The following PIK3R3 variants were observed in gnomAD, a reference collection of about 807,000 sequenced individuals.
PIK3R3 encodes phosphoinositide-3-kinase regulatory subunit 3.
A neutral mutation model predicts 62.9 loss-of-function variants in PIK3R3; 64 were observed. That is an observed-to-expected ratio of 1.02 (90% CI 0.83 to 1.25). The LOEUF (loss-of-function observed/expected upper bound fraction) is 1.25, where lower values mean the gene tolerates loss of function less well. PIK3R3 is among the 50% of genes most tolerant of loss of function. PIK3R3 has a pLI of 0.00. For missense variants in PIK3R3, 614 were observed against 561.6 expected (o/e 1.09, Z -0.94); for synonymous variants, 165 against 189.0 (o/e 0.87, Z 1.04).
rs1648742177 is a variant in PIK3R3, at chr1:46,063,826, T to C, written c.622-1755A>G. ...CTCTCCCAGTCTAATGGTTCCTTCT[T>C]AGCAGCATATAAACAAGCTCTGGTA... On this transcript the variant is annotated intron_variant, in intron 5 of 9. Transcript: ENST00000262741. Among the ~76,000 whole-genome samples the C allele has an allele frequency of 2.0e-5, 3 of 152,162 alleles. No individual in the cohort carries two copies. The South Asian group carries it at 6.2e-4, about 32-fold the overall frequency.
chr1:46,060,963 T>A (rs1344413979), intron 6 of PIK3R3, among the ~76,000 whole-genome samples: 6 of 152,214 alleles, frequency 3.9e-5, no homozygotes, highest in African/African-American at 1.4e-4. Context: ...TTGATAGGAT[T>A]TCAATATCCT....
rs553161479 is a variant in PIK3R3 at position 46,060,485 on chromosome 1, C to CAAAT, written c.764+1440_764+1443dup. 4.6e-4 allele frequency among the ~76,000 whole-genome samples: 70 copies of CAAAT among 152,198 alleles called. No homozygotes were observed. In the South Asian group the frequency reaches 1.0e-2, roughly 22 times the overall value. On this transcript the variant is annotated intron_variant, in intron 6 of 9. Coordinates refer to ENST00000262741, the MANE Select transcript of PIK3R3 (RefSeq NM_003629.4). Reference sequence around the variant, plus strand: ...AGCCTGGGCAACAGAGACTCCGTCTCAAATAAATAAATAAATAAATAATTA... The same window carrying CAAAT: ...AGCCTGGGCAACAGAGACTCCGTCTCAAATAAATAAATAAATAAATAAATAATTA...
chr1:46,096,698 A>G (rs560959250), intron 1 of PIK3R3, among the ~76,000 whole-genome samples: 2 of 152,252 alleles, frequency 1.3e-5, no homozygotes, highest in African/African-American at 2.4e-5. Flanking sequence ...ACAGTTAGAG[A>G]GCAGCCTGGC....
At chr1:46,116,586 C>T (rs1459946942) in intron 1 of PIK3R3, among the ~76,000 whole-genome samples, 2 of 150,340 alleles carry the variant, frequency 1.3e-5, no homozygotes, top group Non-Finnish European at 3.0e-5. Flanking sequence ...TGCTTGAACC[C>T]GGGAGGCAGA....
At chr1:46,164,219 T>A in the PIK3R3 span, among the ~76,000 whole-genome samples, 3 of 152,288 alleles carry the variant, frequency 2.0e-5, no homozygotes, top group South Asian at 6.2e-4. Flanking sequence ...TATGTTATTC[T>A]TCCTGCTCCC....
chr1:46,067,349 G>C (rs921205869), intron 3 of PIK3R3, among the ~76,000 whole-genome samples: 3 of 149,862 alleles, frequency 2.0e-5, no homozygotes, highest in Admixed American at 6.7e-5. Flanking sequence ...ACAGCATTCA[G>C]TATGAACAAA....
At chr1:46,062,566 CTT>C in intron 5 of PIK3R3, among the ~76,000 whole-genome samples, 1 of 130,044 alleles carries the variant, frequency 7.7e-6, no homozygotes, top group East Asian at 2.2e-4. Context: ...CAGGGCAAGA[CTT>C]TGTCTCAAAA....
chr1:46,096,840 T>TAA (rs201258613), intron 1 of PIK3R3, among the ~76,000 whole-genome samples: 27 of 126,984 alleles, frequency 2.1e-4, no homozygotes, highest in South Asian at 7.7e-4. Flanking sequence ...GACTCTGTCT[T>TAA]AAAAAAAAAA....
At chr1:46,147,445 G>C in the PIK3R3 span, among the ~76,000 whole-genome samples, 1 of 151,302 alleles carries the variant, frequency 6.6e-6, no homozygotes, top group East Asian at 2.0e-4. Flanking sequence ...TTGAGACGGA[G>C]TCTCGCTCTG....
At chr1:46,173,489 G>A in the PIK3R3 span, among the ~76,000 whole-genome samples, 1 of 152,176 alleles carries the variant, frequency 6.6e-6, no homozygotes, top group Admixed American at 6.5e-5. Context: ...CACCTTAAGG[G>A]GTGGAGACCA....
At chr1:46,118,124 A>G (rs1371519492) in intron 1 of PIK3R3, among the ~76,000 whole-genome samples, 1 of 152,198 alleles carries the variant, frequency 6.6e-6, no homozygotes, top group Non-Finnish European at 1.5e-5. Flanking sequence ...ATATATATAA[A>G]TAGCTTTGGC....
rs1244679158 is a variant in PIK3R3 at position 46,055,660 on chromosome 1, T to C, written c.941+135A>G. On this transcript the variant is annotated intron_variant, in intron 7 of 9. Transcript: ENST00000262741. ...CCCCCTACAACTACCAAGGACACTT[T>C]CCTAAATTCTTACCATCTTACTGGC... 4 of 645,570 alleles carry C rather than the reference T, an allele frequency of 6.2e-6. No individual in the cohort carries two copies. The East Asian group carries it at 1.1e-4, about 18-fold the overall frequency. The allele number at this position is 645,570 out of a possible 1,614,324, so 40.0% of individuals were successfully genotyped here.
At chr1:46,096,582 G>T (rs1284627072) in intron 1 of PIK3R3, among the ~76,000 whole-genome samples, 1 of 152,192 alleles carries the variant, frequency 6.6e-6, no homozygotes, top group Non-Finnish European at 1.5e-5. Flanking sequence ...CAAAAGAACA[G>T]CATTAATATA....
intron 1 of PIK3R3, among the ~76,000 whole-genome samples, chr1:46,116,197 G>A (rs189881497): frequency 2.2e-3 from 329 of 152,142 alleles, no homozygotes; most frequent in South Asian, 6.7e-3. Context: ...GAGCCACAAA[G>A]CATCCCAGTT....
chr1:46,123,025 G>T (rs953280652), intron 1 of PIK3R3, among the ~76,000 whole-genome samples: 1 of 151,910 alleles, frequency 6.6e-6, no homozygotes, highest in Admixed American at 6.6e-5. Flanking sequence ...AGTTTAGGCT[G>T]CAGTGAGCCA....
At chr1:46,098,945 T>G (rs1289229736) in intron 1 of PIK3R3, among the ~76,000 whole-genome samples, 2 of 152,100 alleles carry the variant, frequency 1.3e-5, no homozygotes, top group African/African-American at 4.8e-5. Context: ...CAATTGATCC[T>G]CCCACCTCAG....
At chr1:46,108,158 T>C (rs1653389487) in intron 1 of PIK3R3, among the ~76,000 whole-genome samples, 1 of 152,258 alleles carries the variant, frequency 6.6e-6, no homozygotes. Context: ...ACAGCACTTT[T>C]ATTACCTTAA....
chr1:46,115,225 C>T (rs1654084814), intron 1 of PIK3R3, among the ~76,000 whole-genome samples: 1 of 152,222 alleles, frequency 6.6e-6, no homozygotes, highest in African/African-American at 2.4e-5. Flanking sequence ...CTGTACCCTT[C>T]ATCAAACCAT....
chr1:46,084,318 T>C (rs1198419178), intron 1 of PIK3R3, among the ~76,000 whole-genome samples: 1 of 152,170 alleles, frequency 6.6e-6, no homozygotes, highest in Non-Finnish European at 1.5e-5. Flanking sequence ...AATGAAAATA[T>C]TCCAAAATTG....
Sources: allele counts gnomAD v4.1 joint callset (sites outside exome capture counted in the v4.1 genomes callset), GRCh38; gene constraint gnomAD v4.1.1; transcripts MANE v1.5; gene names NCBI Gene and HGNC (gene_info 2026-07-23, HGNC 2026-07-21).